The following VRK2 variants were observed in gnomAD, a reference collection of about 807,000 sequenced individuals.
VRK2 encodes the protein VRK serine/threonine kinase 2.
VRK2 carries 60 observed loss-of-function variants against 57.6 expected under a neutral mutation model. The ratio of observed to expected loss-of-function variants is 1.04; its 90% CI spans 0.85 to 1.29. VRK2 has a LOEUF of 1.29. VRK2 is among the 50% of genes most tolerant of loss of function. VRK2 has a pLI of 0.00. For missense variants in VRK2, 705 were observed against 588.1 expected (o/e 1.20, Z -2.06); for synonymous variants, 231 against 199.2 (o/e 1.16, Z -1.35).
At chr2:58,151,137 GT>G (rs1479618025) in intron 12 of VRK2, among the ~76,000 whole-genome samples, 1 of 151,522 alleles carries the variant, frequency 6.6e-6, no homozygotes, top group African/African-American at 2.4e-5. Context: ...GTTTTATTTT[GT>G]CCTCGTTTTA....
Position 58,083,747 on chromosome 2 carries a change from T to C in VRK2, c.137-342T>C, listed in dbSNP as rs188059768. Among the ~76,000 whole-genome samples, 374 of 151,930 alleles carry C rather than the reference T, an allele frequency of 2.5e-3. 1 individual carries two copies. The highest frequency in any genetic ancestry group is 7.3e-3 in the African/African-American group (302 of 41,558). ...TAATGCCATATATCTATAAAATATT[T>C]CCCCCCACATTTTGGATCTATATGA... On this transcript the variant is annotated intron_variant, in intron 2 of 12. Transcript: ENST00000340157.
At chr2:58,150,033 T>C (rs553314625) in intron 12 of VRK2, among the ~76,000 whole-genome samples, 72 of 149,610 alleles carry the variant, frequency 4.8e-4, no homozygotes, top group Non-Finnish European at 8.1e-4. Context: ...AAAGCAAGTT[T>C]ATTAAGAAAG....
chr2:58,114,409 A>G (rs1676099968), intron 7 of VRK2, among the ~76,000 whole-genome samples: 1 of 152,128 alleles, frequency 6.6e-6, no homozygotes, highest in African/African-American at 2.4e-5. Flanking sequence ...TGACTAGACA[A>G]AAGATAGTAG....
intron 1 of VRK2, among the ~76,000 whole-genome samples, chr2:57,959,836 A>G (rs1671701449): frequency 6.6e-6 from 1 of 152,118 alleles, no homozygotes; most frequent in Admixed American, 6.6e-5. Flanking sequence ...GGATGCAAAG[A>G]AAACATAGTT....
chr2:58,118,375 C>T (rs542494879), intron 7 of VRK2, among the ~76,000 whole-genome samples: 28 of 152,302 alleles, frequency 1.8e-4, no homozygotes, highest in East Asian at 5.8e-4. Context: ...AGTCCGTGAC[C>T]GGCACCGGAG....
At chr2:58,099,872 T>C (rs1673708819) in intron 7 of VRK2, among the ~76,000 whole-genome samples, 1 of 152,078 alleles carries the variant, frequency 6.6e-6, no homozygotes, top group Admixed American at 6.6e-5. Flanking sequence ...AGATTTCAAC[T>C]AAGTGATCTC....
At chr2:58,146,586 T>A (rs1487839003) in intron 12 of VRK2, 112 bp downstream of exon 12, 2 of 1,271,652 alleles carry the variant, frequency 1.6e-6, no homozygotes, top group Non-Finnish European at 2.1e-6. Context: ...TATGGTTTTG[T>A]TAAATGAGAA....
Position 57,967,226 on chromosome 2 carries a change from G to A in VRK2, c.-438-58439G>A, listed in dbSNP as rs144888013. Reference sequence around the variant, plus strand: ...ACATCACACACTGGGGCCTGTCGGCGGGTGCGGGGCTAGGGGAGGGATAGC... The same window carrying A: ...ACATCACACACTGGGGCCTGTCGGCAGGTGCGGGGCTAGGGGAGGGATAGC... On this transcript the variant is annotated intron_variant, in intron 1 of 15. Transcript: ENST00000417641. 5.5e-4 allele frequency among the ~76,000 whole-genome samples: 83 copies of A among 152,216 alleles called. 1 individual carries two copies. In the East Asian group the frequency reaches 0.015, roughly 27 times the overall value.
At chr2:58,071,618 G>T (rs940416154) in intron 2 of VRK2, among the ~76,000 whole-genome samples, 3 of 151,834 alleles carry the variant, frequency 2.0e-5, no homozygotes, top group Non-Finnish European at 2.9e-5. Flanking sequence ...ACTATATCGG[G>T]TCTATTTCTA....
At chr2:58,034,691 G>A (rs1338982494) in intron 3 of VRK2, among the ~76,000 whole-genome samples, 1 of 151,738 alleles carries the variant, frequency 6.6e-6, no homozygotes, top group East Asian at 1.9e-4. Flanking sequence ...TTGGCCTTAG[G>A]GCATGAGAGC....
intron 1 of VRK2, 55 bp from the exon 2 acceptor site, chr2:58,048,772 G>C: frequency 6.3e-7 from 1 of 1,585,768 alleles, no homozygotes; most frequent in Non-Finnish European, 8.6e-7. Flanking sequence ...TATTTTAAGA[G>C]TTTTGTTTGT....
chr2:58,046,939 G>A, intron 1 of VRK2, 71 bp downstream of exon 1: 1 of 985,578 alleles, frequency 1.0e-6, no homozygotes, highest in Non-Finnish European at 1.2e-6. Flanking sequence ...CCGCGGCCCC[G>A]CTCGGAAAAG....
chr2:57,965,509 A>C (rs1044759880), intron 1 of VRK2, among the ~76,000 whole-genome samples: 4 of 152,234 alleles, frequency 2.6e-5, no homozygotes, highest in African/African-American at 9.6e-5. Flanking sequence ...TATTACCATC[A>C]GTCTCAACTC....
At chr2:58,104,517 A>C (rs775023843) in intron 7 of VRK2, among the ~76,000 whole-genome samples, 1 of 151,946 alleles carries the variant, frequency 6.6e-6, no homozygotes, top group Non-Finnish European at 1.5e-5. Flanking sequence ...AGAAAGTGAA[A>C]GATCTCTACA....
At chr2:58,034,126 A>C (rs1409010149) in intron 3 of VRK2, among the ~76,000 whole-genome samples, 4 of 152,010 alleles carry the variant, frequency 2.6e-5, no homozygotes, top group Non-Finnish European at 4.4e-5. Context: ...TAATATATAG[A>C]TAATACCATG....
intron 1 of VRK2, among the ~76,000 whole-genome samples, chr2:57,913,987 C>T (rs1364550531): frequency 6.6e-6 from 1 of 151,960 alleles, no homozygotes; most frequent in African/African-American, 2.4e-5. Flanking sequence ...ATTTACTTGT[C>T]TAATTCTTAA....
intron 1 of VRK2, among the ~76,000 whole-genome samples, chr2:58,006,441 T>C (rs78824749): frequency 0.017 from 2,608 of 152,236 alleles, 92 homozygotes; most frequent in African/African-American, 0.06. Flanking sequence ...GATTTACCAT[T>C]TAAGATCCAT....
intron 7 of VRK2, among the ~76,000 whole-genome samples, chr2:58,093,179 A>C (rs1672618821): frequency 1.3e-5 from 2 of 152,242 alleles, no homozygotes; most frequent in Non-Finnish European, 2.9e-5. Context: ...GTATATACCC[A>C]GTAATGGGAT....
chr2:58,101,953 T>A (rs1674028960), intron 7 of VRK2, among the ~76,000 whole-genome samples: 1 of 151,646 alleles, frequency 6.6e-6, no homozygotes, highest in East Asian at 1.9e-4. Context: ...TAAATGAATT[T>A]GTTAATCAAT....
Sources: allele counts gnomAD v4.1 joint callset (sites outside exome capture counted in the v4.1 genomes callset), GRCh38; gene constraint gnomAD v4.1.1; transcripts MANE v1.5; gene names NCBI Gene and HGNC (gene_info 2026-07-23, HGNC 2026-07-21).